ZNF362: variants seen among roughly 807,000 people sequenced by gnomAD.
ZNF362 encodes rotund homolog.
Under a neutral mutation model 42.9 loss-of-function variants are expected in ZNF362, and 11 were observed. The observed-to-expected ratio is 0.26, with a 90% confidence interval of 0.16 to 0.42. The LOEUF is 0.42. Ranked by LOEUF, ZNF362 falls within the 20% of genes least tolerant of loss-of-function variation. The pLI, the probability that ZNF362 is intolerant of heterozygous loss-of-function variation, is 1.00. For synonymous variants in ZNF362, 255 were observed against 257.3 expected (o/e 0.99, Z 0.09); for missense variants, 362 against 576.2 (o/e 0.63, Z 3.81).
At chr1:33,257,730 C>T (rs1645803621) in intron 1 of ZNF362, among the ~76,000 whole-genome samples, 1 of 151,956 alleles carries the variant, frequency 6.6e-6, no homozygotes. Context: ...CAGCAAAGAC[C>T]CCTGGCATGA....
chr1:33,296,677 T>A (rs929091689), intron 8 of ZNF362, among the ~76,000 whole-genome samples: 15 of 152,014 alleles, frequency 9.9e-5, no homozygotes, highest in Admixed American at 9.8e-4. Flanking sequence ...GAACACTGAG[T>A]GCGAACCCCC....
At chr1:33,202,989 G>C in the ZNF362 span, among the ~76,000 whole-genome samples, 1 of 151,808 alleles carries the variant, frequency 6.6e-6, no homozygotes, top group Non-Finnish European at 1.5e-5. Flanking sequence ...TCCTTTTGTG[G>C]GAATACCACC....
the ZNF362 span, among the ~76,000 whole-genome samples, chr1:33,143,985 G>A: frequency 2.0e-5 from 3 of 152,212 alleles, no homozygotes; most frequent in Non-Finnish European, 2.9e-5. Flanking sequence ...GAGTCACTAC[G>A]TTCCTTAAAA....
Position 33,288,457 on chromosome 1 carries a change from C to T in ZNF362, c.909-6480C>T, listed in dbSNP as rs531174184. 8.5e-5 allele frequency among the ~76,000 whole-genome samples: 13 copies of T among 152,138 alleles called. No homozygotes were observed. The South Asian group carries it at 1.5e-3, about 17-fold the overall frequency. On this transcript the variant is annotated intron_variant, in intron 6 of 8. Transcript: ENST00000539719. Reference sequence around the variant, plus strand: ...TGCCTAAAGAGGAGTGACCACCAGCCGGGTGCGGTGGTGGCTCATTCCTGT... The same window carrying T: ...TGCCTAAAGAGGAGTGACCACCAGCTGGGTGCGGTGGTGGCTCATTCCTGT...
At chr1:33,167,623 G>A in the ZNF362 span, among the ~76,000 whole-genome samples, 1 of 152,226 alleles carries the variant, frequency 6.6e-6, no homozygotes, top group African/African-American at 2.4e-5. The surrounding 1 kb of genome is among the most constrained non-coding windows in gnomAD (Gnocchi z 4.2). Flanking sequence ...CTGCGTGAAT[G>A]AAGTTCCTGG....
chr1:33,249,836 C>A, the ZNF362 span, among the ~76,000 whole-genome samples: 6 of 152,156 alleles, frequency 3.9e-5, no homozygotes, highest in Non-Finnish European at 8.8e-5. Flanking sequence ...TCTGGCCTAA[C>A]CCACACGTTC....
the ZNF362 span, among the ~76,000 whole-genome samples, chr1:33,202,421 C>G: frequency 2.6e-5 from 4 of 151,868 alleles, no homozygotes; most frequent in East Asian, 5.8e-4. Context: ...ATGGTGAAAC[C>G]CTGTCTCTAC....
At position 33,295,299 on chromosome 1, in the gene ZNF362, C is replaced by T. The variant is rs774139752; in HGVS notation, c.1140C>T (p.Tyr380=). ...GCTGCAGCATGTGTGGGCGGGCCTA[C>T]ACCTCGGTGAGTGCCGGTCGGCCTG... ...AYCCSMCGRA[Y]TSETYLMKHM... The change falls in exon 8 of 9, where the codon TAC becomes TAT. Residue 380 remains tyrosine, a synonymous_variant. Transcript: ENST00000539719. 2 of 1,614,002 alleles carry T rather than the reference C, an allele frequency of 1.2e-6. No individual in the cohort carries two copies. Among genetic ancestry groups the T allele is most frequent in the Non-Finnish European group, 1.7e-6 (2 of 1,179,956 alleles).
At chr1:33,206,998 C>T in the ZNF362 span, among the ~76,000 whole-genome samples, 2 of 152,106 alleles carry the variant, frequency 1.3e-5, no homozygotes, top group African/African-American at 4.8e-5. Flanking sequence ...ATGTGTACAA[C>T]GTGCAGGTTT....
chr1:33,194,360 A>G, the ZNF362 span, among the ~76,000 whole-genome samples: 1 of 151,866 alleles, frequency 6.6e-6, no homozygotes, highest in Non-Finnish European at 1.5e-5. Context: ...AAATGGCAAA[A>G]CCCCATCTCT....
At chr1:33,192,231 A>C in the ZNF362 span, among the ~76,000 whole-genome samples, 1 of 152,190 alleles carries the variant, frequency 6.6e-6, no homozygotes, top group African/African-American at 2.4e-5. Flanking sequence ...CAGTTCTTTA[A>C]CTACCATTGC....
At chr1:33,169,260 T>G in the ZNF362 span, among the ~76,000 whole-genome samples, 150,467 of 152,220 alleles carry the variant, frequency 0.99, 74,389 homozygotes, top group Middle Eastern at 1. Flanking sequence ...CTCAGTGAAG[T>G]GCACCCCTCC....
chr1:33,189,703 ATATACG>A, the ZNF362 span, among the ~76,000 whole-genome samples: 5,273 of 29,558 alleles, frequency 0.18, 607 homozygotes, highest in Non-Finnish European at 0.22. Flanking sequence ...ATATACACAT[ATATACG>A]TATATATATA....
the ZNF362 span, among the ~76,000 whole-genome samples, chr1:33,203,669 G>A: frequency 6.6e-6 from 1 of 152,100 alleles, no homozygotes. Flanking sequence ...CATCTTAACA[G>A]GTGTGAGGTG....
At position 33,281,986 on chromosome 1, in the gene ZNF362, A is replaced by G. The variant is rs1352524842; in HGVS notation, c.908+175A>G. 1.8e-5 allele frequency: 11 copies of G among 622,374 alleles called. No homozygotes were observed. In the African/African-American group the frequency reaches 2.0e-4, roughly 11 times the overall value. 38.6% of individuals were successfully genotyped at this position (622,374 alleles called of 1,614,324 possible). The stretch of plus-strand genomic sequence containing the variant: ...GCTGTTGTTACTGCACCCCGTCCCC[A>G]CTGTTTCTCATCTCTAGGTCTTTGC... On this transcript the variant is annotated intron_variant, in intron 6 of 8. Transcript: ENST00000539719. This position sits in a 1 kb window ranked among gnomAD's most constrained non-coding sequence, Gnocchi z 4.8.
chr1:33,166,071 C>T, the ZNF362 span: 6 of 152,428 alleles, frequency 3.9e-5, no homozygotes, highest in African/African-American at 1.4e-4. Context: ...GCATTAGATT[C>T]TCACAGGAGT....
chr1:33,189,634 CATATATAT>C, the ZNF362 span, among the ~76,000 whole-genome samples: 577 of 55,528 alleles, frequency 0.01, 24 homozygotes, highest in Admixed American at 0.028. Context: ...CACATTCCAG[CATATATAT>C]ATATATATAT....
the ZNF362 span, chr1:33,145,947 T>C: frequency 2.1e-6 from 1 of 470,866 alleles, no homozygotes; most frequent in Non-Finnish European, 4.4e-6. Context: ...TGTAAAAATT[T>C]AGATTTGGGA....
At chr1:33,152,248 T>C in the ZNF362 span, among the ~76,000 whole-genome samples, 2 of 152,168 alleles carry the variant, frequency 1.3e-5, no homozygotes, top group African/African-American at 2.4e-5. Context: ...CTTCCCAGCA[T>C]GTGGCCCCAG....
Sources: allele counts gnomAD v4.1 joint callset (sites outside exome capture counted in the v4.1 genomes callset), GRCh38; gene constraint gnomAD v4.1.1; non-coding constraint Gnocchi (gnomAD v3.1); transcripts MANE v1.5; gene names NCBI Gene and HGNC (gene_info 2026-07-23, HGNC 2026-07-21).